The following PKHD1 variants were observed in gnomAD, a reference collection of about 807,000 sequenced individuals.
PKHD1 encodes PKHD1 ciliary IPT domain containing fibrocystin/polyductin.
Under a neutral mutation model 412.0 loss-of-function variants are expected in PKHD1, and 291 were observed. That is an observed-to-expected ratio of 0.71 (90% confidence interval 0.64 to 0.78). PKHD1 has a LOEUF of 0.78. Among genes scored for constraint, PKHD1 ranks in the 30% least tolerant of loss-of-function variants. PKHD1 has a pLI of 0.00. For missense variants in PKHD1, 4,825 were observed against 4,950.7 expected (o/e 0.97, Z 0.76); for synonymous variants, 1,777 against 1,821.5 (o/e 0.98, Z 0.62).
intron 35 of PKHD1, among the ~76,000 whole-genome samples, chr6:51,984,164 A>G (rs1795930547): frequency 1.3e-5 from 2 of 152,246 alleles, no homozygotes; most frequent in Non-Finnish European, 2.9e-5. Context: ...GACAAGATAA[A>G]AACACGTATT....
chr6:52,082,040 C>T (rs1404674653), intron 4 of PKHD1, among the ~76,000 whole-genome samples: 1 of 152,056 alleles, frequency 6.6e-6, no homozygotes, highest in Non-Finnish European at 1.5e-5. Context: ...GGTTTATGTG[C>T]AATCATTGCA....
At chr6:51,694,918 T>C (rs773815697) in intron 60 of PKHD1, among the ~76,000 whole-genome samples, 1 of 142,570 alleles carries the variant, frequency 7.0e-6, no homozygotes, top group African/African-American at 2.6e-5. Flanking sequence ...CTGACAATGA[T>C]ATTATGGTTT....
Position 51,934,128 on chromosome 6 carries a change from C to T in PKHD1, c.6103G>A (p.Gly2035Arg). The change falls in exon 37 of 67, where the codon GGA becomes AGA. Residue 2035 changes from glycine to arginine, a missense_variant. Coordinates refer to ENST00000371117, the MANE Select transcript of PKHD1 (RefSeq NM_138694.4). ...YGVKFLAVRN[G>R]TLSLHGSLPE... Reference sequence around the variant, plus strand: ...CACTCACCGTGCAGAGAAAGAGTTCCATTCCTCACAGCCAGGAACTTGACT... The same window carrying T: ...CACTCACCGTGCAGAGAAAGAGTTCTATTCCTCACAGCCAGGAACTTGACT... The T allele has an allele frequency of 1.2e-6, 2 of 1,612,994 alleles. No individual in the cohort carries two copies. The highest frequency in any genetic ancestry group is 1.3e-5 in the African/African-American group (1 of 75,026).
chr6:51,649,402 T>C (rs1202582265), intron 61 of PKHD1, among the ~76,000 whole-genome samples, 182 bp from the exon 62 acceptor site: 1 of 152,172 alleles, frequency 6.6e-6, no homozygotes, highest in African/African-American at 2.4e-5. Context: ...GTATTTGATA[T>C]GTTTTCTTAG....
At chr6:52,031,932 G>C (rs1034001001) in intron 29 of PKHD1, among the ~76,000 whole-genome samples, 1 of 152,120 alleles carries the variant, frequency 6.6e-6, no homozygotes, top group African/African-American at 2.4e-5. Context: ...TGCTTCCTTG[G>C]CACTGATATA....
At chr6:51,926,915 C>A (rs1478400894) in intron 37 of PKHD1, among the ~76,000 whole-genome samples, 1 of 152,086 alleles carries the variant, frequency 6.6e-6, no homozygotes, top group Non-Finnish European at 1.5e-5. Flanking sequence ...AAGAGAGAAA[C>A]ACTCATCAGT....
intron 60 of PKHD1, among the ~76,000 whole-genome samples, chr6:51,709,846 G>A (rs905596452): frequency 5.1e-5 from 5 of 98,506 alleles, no homozygotes; most frequent in Admixed American, 1.2e-4. Flanking sequence ...CTATGCTTTA[G>A]TCATTTTTTT....
In PKHD1 at chr6:51,905,843, A is replaced by T. The variant is rs577740601; in HGVS notation, c.6808+372T>A. The stretch of plus-strand genomic sequence containing the variant: ...AGCAAGCCACAGGAGCTTGAATTCT[A>T]TTAAGAAGAGAATTCCAGATTTTTA... On this transcript the variant is annotated intron_variant, in intron 41 of 66. Transcript: ENST00000371117. Among the ~76,000 whole-genome samples, 36 of 152,292 alleles carry T rather than the reference A, an allele frequency of 2.4e-4. No homozygotes were observed. The East Asian group carries it at 6.8e-3, about 29-fold the overall frequency.
chr6:51,843,772 T>C (rs998965503), intron 50 of PKHD1, among the ~76,000 whole-genome samples: 1 of 152,254 alleles, frequency 6.6e-6, no homozygotes, highest in Non-Finnish European at 1.5e-5. Context: ...CACAAGGTTC[T>C]TCACTTGTGG....
chr6:51,870,584 A>G lies in PKHD1; in HGVS notation c.7406T>C (p.Val2469Ala). 6.2e-7 allele frequency: 1 copy of G among 1,606,758 alleles called. No individual in the cohort carries two copies. The highest frequency in any genetic ancestry group is 8.5e-7 in the Non-Finnish European group (1 of 1,173,318). ...IKTPKRWELM[V>A]SNTTFVNFDL... ...AAAATTAACAAAGGTTGTGTTAGAC[A>G]CCATCAGTTCCCATCTTTTAGGAGT... Residue 2469 changes from valine to alanine, a missense_variant, in exon 47 of 67, where the codon GTG becomes GCG. Physicochemically the swap from Val to Ala is moderately conservative, Grantham distance 64. Transcript: ENST00000371117.
intron 63 of PKHD1, among the ~76,000 whole-genome samples, chr6:51,640,944 T>A (rs1056763776): frequency 2.0e-5 from 3 of 152,188 alleles, no homozygotes; most frequent in East Asian, 3.8e-4. Context: ...GAAGTTAAAT[T>A]GCAGAACAAA....
At chr6:51,619,938 A>G (rs9463697) in intron 66 of PKHD1, among the ~76,000 whole-genome samples, 5,277 of 152,306 alleles carry the variant, frequency 0.035, 324 homozygotes, top group African/African-American at 0.12. Flanking sequence ...TCTTATACCA[A>G]GTTCACAATG....
At chr6:51,941,236 C>CTTTTTTTTTT (rs539546758) in intron 36 of PKHD1, among the ~76,000 whole-genome samples, 5 of 63,016 alleles carry the variant, frequency 7.9e-5, no homozygotes, top group Non-Finnish European at 1.1e-4. Flanking sequence ...ACAGCATGGC[C>CTTTTTTTTTT]TTTTTTTTTT....
chr6:52,060,181 G>T (rs1396777203), intron 14 of PKHD1, 139 bp from the exon 15 acceptor site: 24 of 675,858 alleles, frequency 3.6e-5, no homozygotes, highest in Non-Finnish European at 6.0e-5. Context: ...CAATTGTCCA[G>T]AATATTCTAG....
At chr6:51,789,294 G>T (rs907754902) in intron 53 of PKHD1, among the ~76,000 whole-genome samples, 1 of 152,180 alleles carries the variant, frequency 6.6e-6, no homozygotes. Flanking sequence ...CTAAGGAAAT[G>T]AAGATATGAA....
intron 55 of PKHD1, among the ~76,000 whole-genome samples, chr6:51,757,100 C>T (rs763331876): frequency 4.6e-5 from 7 of 152,140 alleles, no homozygotes; most frequent in African/African-American, 7.2e-5. Context: ...TCCTGCTGTG[C>T]GTCCTGGTTC....
chr6:52,027,119 T>G (rs1802309439), intron 31 of PKHD1, among the ~76,000 whole-genome samples: 2 of 152,178 alleles, frequency 1.3e-5, no homozygotes, highest in African/African-American at 4.8e-5. Flanking sequence ...GATTCAATCC[T>G]CCCCTCCTTG....
chr6:51,900,120 C>A lies in PKHD1; in HGVS notation c.6996+3477G>T, dbSNP rs575115762. 8.5e-5 allele frequency among the ~76,000 whole-genome samples: 13 copies of A among 152,244 alleles called. No homozygotes were observed. In the South Asian group the frequency reaches 2.7e-3, roughly 32 times the overall value. ...AGGTAATTTACAGATTCAGTGCCAT[C>A]CCCATCAAGCTACCAAGGACTTTCT... On this transcript the variant is annotated intron_variant, in intron 43 of 66. Coordinates refer to ENST00000371117, the MANE Select transcript of PKHD1 (RefSeq NM_138694.4).
intron 60 of PKHD1, among the ~76,000 whole-genome samples, chr6:51,709,972 G>A (rs2150753461): frequency 6.6e-6 from 1 of 152,134 alleles, no homozygotes; most frequent in East Asian, 1.9e-4. Context: ...ACTTTGGGAG[G>A]CCGAGGAGGG....
Sources: gnomAD v4.1 joint callset for allele counts (sites outside exome capture counted in the v4.1 genomes callset) on GRCh38, gnomAD v4.1.1 for gene constraint, MANE v1.5 for transcripts, NCBI Gene and HGNC (gene_info 2026-07-23, HGNC 2026-07-21) for gene names.